MRC2: variants seen among roughly 807,000 people sequenced by gnomAD.
The protein encoded by MRC2 is C-type mannose receptor 2.
MRC2 carries 84 observed loss-of-function variants against 206.2 expected under a neutral mutation model. The ratio of observed to expected loss-of-function variants is 0.41; its 90% confidence interval spans 0.34 to 0.49. MRC2 has a LOEUF of 0.49. Ranked by LOEUF, MRC2 falls within the 20% of genes least tolerant of loss-of-function variation. MRC2 has a pLI of 0.31. For synonymous variants in MRC2, 798 were observed against 800.0 expected, an observed-to-expected ratio of 1.00 and a Z score of 0.04; for missense variants, 1,676 against 2,001.5, an observed-to-expected ratio of 0.84 and a Z score of 3.10.
At position 62,627,699 on chromosome 17, in the gene MRC2, C is replaced by T; in HGVS notation, c.-104C>T. The T allele has an allele frequency of 2.5e-6, 2 of 813,026 alleles. No homozygotes were observed. Among genetic ancestry groups the T allele is most frequent in the Non-Finnish European group, 3.4e-6 (2 of 584,274 alleles). The allele number at this position is 813,026 out of a possible 1,614,324, so 50.4% of individuals were successfully genotyped here. Reference sequence around the variant, plus strand: ...CTTCGTCCCGACCCGGAGGAGGACGCGAGCCCCTTGCGGGCGGTCATCACA... The same window carrying T: ...CTTCGTCCCGACCCGGAGGAGGACGTGAGCCCCTTGCGGGCGGTCATCACA... On this transcript the variant is annotated 5_prime_UTR_variant, in exon 1 of 30. Coordinates refer to ENST00000303375, the MANE Select transcript of MRC2 (RefSeq NM_006039.5).
chr17:62,676,365 C>T lies in MRC2; in HGVS notation c.1686-18C>T, dbSNP rs1246796735. The T allele has an allele frequency of 6.2e-7, 1 of 1,613,250 alleles. No individual in the cohort carries two copies. Among genetic ancestry groups the T allele is most frequent in the East Asian group, 2.2e-5 (1 of 44,864 alleles). ...GGAAGCAGGGAGATCCCTGCCCTGA[C>T]CAGCCTGTCTCCTGAAGGTTCGAGC... On this transcript the variant is annotated intron_variant, in intron 10 of 29. Coordinates refer to ENST00000303375, the MANE Select transcript of MRC2 (RefSeq NM_006039.5).
rs141387968 is a variant in MRC2 at position 62,643,252 on chromosome 17, C to T, written c.118+15332C>T. On this transcript the variant is annotated intron_variant, in intron 1 of 29. Coordinates refer to ENST00000303375, the MANE Select transcript of MRC2 (RefSeq NM_006039.5). ...CTGAGGCAAGAGAATCACTTGAAAC[C>T]GGGAGGTGGAGGTTGCAGTGAGCTG... Among the ~76,000 whole-genome samples, 609 of 145,594 alleles carry T rather than the reference C, an allele frequency of 4.2e-3. 2 individuals carry two copies. Among genetic ancestry groups the T allele is most frequent in the Admixed American group, 6.2e-3 (88 of 14,092 alleles).
At position 62,680,913 on chromosome 17, in the gene MRC2, G is replaced by A. The variant is rs1366015604; in HGVS notation, c.2587G>A (p.Val863Met). 7.4e-6 allele frequency: 12 copies of A among 1,613,076 alleles called. No homozygotes were observed. Among genetic ancestry groups the A allele is most frequent in the African/African-American group, 1.3e-5 (1 of 74,942 alleles). ...GTGGTTCCAGGCCGAGCTGACCTCGGTGCACAGCCAGGCGGAGCTAGACTT... is the reference window on the plus strand; with the variant it reads ...GTGGTTCCAGGCCGAGCTGACCTCGATGCACAGCCAGGCGGAGCTAGACTT... ...CTWFQAELTS[V>M]HSQAELDFLS... is the part of the protein sequence containing the mutation. The change falls in exon 17 of 30, where the codon GTG becomes ATG. Residue 863 changes from valine (V) to methionine (M), a missense_variant. Physicochemically the swap from Val to Met is conservative, Grantham distance 21. Coordinates refer to ENST00000303375, the MANE Select transcript of MRC2 (RefSeq NM_006039.5). The surrounding 1 kb of genome is among the most constrained non-coding windows in gnomAD (Gnocchi z 4.8).
intron 1 of MRC2, among the ~76,000 whole-genome samples, chr17:62,656,150 G>A (rs1293553553): frequency 4.6e-5 from 7 of 152,116 alleles, no homozygotes; most frequent in Admixed American, 4.6e-4. Context: ...GGGTTCAAGC[G>A]ATTCTCCTAC....
chr17:62,644,537 C>G (rs1332929648), intron 1 of MRC2, among the ~76,000 whole-genome samples: 2 of 152,174 alleles, frequency 1.3e-5, no homozygotes, highest in Non-Finnish European at 2.9e-5. Flanking sequence ...CCCATCTTTA[C>G]AAAAAATAAA....
At chr17:62,642,547 A>G (rs2147438542) in intron 1 of MRC2, among the ~76,000 whole-genome samples, 1 of 152,284 alleles carries the variant, frequency 6.6e-6, no homozygotes, top group South Asian at 2.1e-4. Flanking sequence ...CCCAGGTTCA[A>G]GCAATTATTC....
At chr17:62,662,214 C>T (rs1261745472) in intron 1 of MRC2, among the ~76,000 whole-genome samples, 2 of 151,276 alleles carry the variant, frequency 1.3e-5, no homozygotes, top group Non-Finnish European at 2.9e-5. Flanking sequence ...TGCGCCACTG[C>T]ACTCTAGCCT....
At chr17:62,665,979 A>G (rs1299822967) in intron 2 of MRC2, 115 bp from the exon 3 acceptor site, 6 of 1,115,642 alleles carry the variant, frequency 5.4e-6, no homozygotes, top group African/African-American at 3.2e-5. Flanking sequence ...CCACCTGCTG[A>G]TCCCTGTGAA....
rs369896464 is a variant in MRC2, at chr17:62,676,536, G to A, written c.1834+5G>A. 1.3e-5 allele frequency: 21 copies of A among 1,578,162 alleles called. No homozygotes were observed. Among genetic ancestry groups the A allele is most frequent in the Non-Finnish European group, 1.8e-5 (21 of 1,162,442 alleles). ...ACTGGAACCGGGACCAGCCCGGTGAGCCCCTTATTTGACTTGCCTTGGTGA... is the reference window on the plus strand; with the variant it reads ...ACTGGAACCGGGACCAGCCCGGTGAACCCCTTATTTGACTTGCCTTGGTGA... On this transcript the variant is annotated splice_donor_5th_base_variant and intron_variant, in intron 11 of 29. Coordinates refer to ENST00000303375, the MANE Select transcript of MRC2 (RefSeq NM_006039.5).
chr17:62,651,257 T>C (rs2088552629), intron 1 of MRC2, among the ~76,000 whole-genome samples: 1 of 152,140 alleles, frequency 6.6e-6, no homozygotes, highest in East Asian at 1.9e-4. Flanking sequence ...CAAATTTTTG[T>C]ACTTTTAGTA....
Position 62,692,339 on chromosome 17 carries a change from A to G in MRC2, c.4328A>G (p.Glu1443Gly). The change falls in exon 30 of 30, where the codon GAG (glutamate) becomes GGG (glycine). Residue 1443 changes from glutamate (E) to glycine (G), a missense_variant. Coordinates refer to ENST00000303375, the MANE Select transcript of MRC2 (RefSeq NM_006039.5). The surrounding 1 kb of genome is among the most constrained non-coding windows in gnomAD (Gnocchi z 4.2). ...CTTTACCGGAGGCGCCAGAGCATCG[A>G]GCGCGGGGCCTTTGAGGGTGCCCGC... The part of the protein sequence containing the change: ...LILYRRRQSI[E>G]RGAFEGARYS... 1 of 1,576,838 alleles carries G rather than the reference A, an allele frequency of 6.3e-7. No homozygotes were observed. The highest frequency in any genetic ancestry group is 8.6e-7 in the Non-Finnish European group (1 of 1,161,414).
At chr17:62,639,290 G>GC (rs1183735365) in intron 1 of MRC2, among the ~76,000 whole-genome samples, 4 of 152,148 alleles carry the variant, frequency 2.6e-5, no homozygotes, top group African/African-American at 4.8e-5. Context: ...GTTGTGGTGA[G>GC]CCGAGATTGT....
At position 62,675,739 on chromosome 17, in the gene MRC2, G is replaced by A. The variant is rs758407500; in HGVS notation, c.1570-51G>A. Reference sequence around the variant, plus strand: ...CACCACAGGATTTATGGGTGAGGGTGGAGAGTCATCTTCCCTACAGACACC... The same window carrying A: ...CACCACAGGATTTATGGGTGAGGGTAGAGAGTCATCTTCCCTACAGACACC... On this transcript the variant is annotated intron_variant, in intron 9 of 29. Transcript: ENST00000303375. This position sits in a 1 kb window ranked among gnomAD's most constrained non-coding sequence, Gnocchi z 4.1. 54 of 1,396,516 alleles carry A rather than the reference G, an allele frequency of 3.9e-5. No homozygotes were observed. Among genetic ancestry groups the A allele is most frequent in the Non-Finnish European group, 5.4e-5 (53 of 983,422 alleles). The allele number at this position is 1,396,516 out of a possible 1,614,324, so 86.5% of individuals were successfully genotyped here. A position where few individuals can be genotyped will look rare whatever the true frequency, so the allele number is the denominator to read the frequency against.
intron 1 of MRC2, among the ~76,000 whole-genome samples, chr17:62,632,219 A>G (rs1223188057): frequency 6.6e-6 from 1 of 152,098 alleles, no homozygotes; most frequent in Non-Finnish European, 1.5e-5. Flanking sequence ...GCCGGGGTCC[A>G]CCAGCTGCAG....
chr17:62,643,220 C>T (rs2088428658), intron 1 of MRC2, among the ~76,000 whole-genome samples: 1 of 150,340 alleles, frequency 6.7e-6, no homozygotes, highest in African/African-American at 2.5e-5. Flanking sequence ...CTCAGCTACT[C>T]AGGAAGCTGA....
intron 11 of MRC2, 92 bp downstream of exon 11, chr17:62,676,623 A>G (rs1322554877): frequency 1.2e-5 from 18 of 1,465,264 alleles, no homozygotes; most frequent in Non-Finnish European, 1.6e-5. Context: ...GCTTCCCCAT[A>G]AACAGATCAT....
intron 20 of MRC2, among the ~76,000 whole-genome samples, chr17:62,684,387 G>A (rs1272696287): frequency 1.3e-5 from 2 of 152,212 alleles, no homozygotes; most frequent in Non-Finnish European, 2.9e-5. Flanking sequence ...ACCAGCCTGG[G>A]CAATGTAGCA....
chr17:62,689,497 C>A, intron 23 of MRC2, 25 bp from the exon 24 acceptor site: 1 of 1,466,920 alleles, frequency 6.8e-7, no homozygotes, highest in East Asian at 2.4e-5. Context: ...AGAGCCCAGC[C>A]TGAACCCTGA....
chr17:62,670,047 C>T (rs1419373649), intron 6 of MRC2, among the ~76,000 whole-genome samples: 2 of 152,214 alleles, frequency 1.3e-5, no homozygotes, highest in South Asian at 4.1e-4. Context: ...GTGGGCATGC[C>T]TAGCCTATCT....
Sources: gnomAD v4.1 joint callset for allele counts (sites outside exome capture counted in the v4.1 genomes callset) on GRCh38, gnomAD v4.1.1 for gene constraint, Gnocchi (gnomAD v3.1) non-coding constraint, MANE v1.5 for transcripts, NCBI Gene and HGNC (gene_info 2026-07-23, HGNC 2026-07-21) for gene names.